MYO1E: variants seen among roughly 807,000 people sequenced by gnomAD.
MYO1E encodes the protein unconventional myosin-Ie.
In MYO1E, 68 loss-of-function variants were observed where a neutral mutation model predicts 151.1. That is an observed-to-expected ratio of 0.45 (90% CI 0.37 to 0.55). MYO1E has a LOEUF of 0.55. MYO1E is among the 20% of genes least tolerant of loss of function. The pLI is 0.00. For synonymous variants in MYO1E, 601 were observed against 501.7 expected (o/e 1.20, Z -2.64); for missense variants, 1,363 against 1,389.3 (o/e 0.98, Z 0.30).
chr15:59,342,801 T>C (rs1236440622), intron 1 of MYO1E, among the ~76,000 whole-genome samples: 1 of 152,140 alleles, frequency 6.6e-6, no homozygotes, highest in Admixed American at 6.5e-5. Flanking sequence ...AGATTTGAGG[T>C]TACCATGAGG....
chr15:59,214,618 T>TA, intron 11 of MYO1E, 22 bp downstream of exon 11: 1 of 1,567,920 alleles, frequency 6.4e-7, no homozygotes, highest in Non-Finnish European at 8.8e-7. Context: ...CCTCAACCCC[T>TA]AGTTATTAAA....
At chr15:59,150,849 C>A (rs1424179462) in intron 26 of MYO1E, among the ~76,000 whole-genome samples, 5 of 152,036 alleles carry the variant, frequency 3.3e-5, no homozygotes, top group Admixed American at 6.5e-5. Flanking sequence ...ATCAGAAACG[C>A]GGAAAGTGGG....
Position 59,173,736 on chromosome 15 carries a change from T to C in MYO1E, c.2334+10A>G, listed in dbSNP as rs376553884. 5.2e-4 allele frequency: 834 copies of C among 1,614,058 alleles called. 9 individuals carry two copies. In the South Asian group the frequency reaches 8.7e-3, roughly 17 times the overall value. ...TTTGGTGATCTCAGAGGCAGGCAGTTAGCACGTACCTTGAACCTCCTGTCA... is the reference window on the plus strand; with the variant it reads ...TTTGGTGATCTCAGAGGCAGGCAGTCAGCACGTACCTTGAACCTCCTGTCA... On this transcript the variant is annotated intron_variant, in intron 21 of 27. Transcript: ENST00000288235.
At chr15:59,217,519 C>CTTTTTTTT (rs1164320277) in intron 10 of MYO1E, among the ~76,000 whole-genome samples, 2,124 of 53,098 alleles carry the variant, frequency 0.04, 212 homozygotes, top group East Asian at 0.15. Context: ...GTCGTTTTAC[C>CTTTTTTTT]TTTTTTTTTT....
chr15:59,153,751 T>A lies in MYO1E; in HGVS notation c.2919A>T (p.Pro973=). 1.2e-6 allele frequency: 2 copies of A among 1,614,114 alleles called. No individual in the cohort carries two copies. The highest frequency in any genetic ancestry group is 1.7e-6 in the Non-Finnish European group (2 of 1,179,968). Residue 973 remains proline (P), a synonymous_variant, in exon 26 of 28, where the codon CCA becomes CCT. Coordinates refer to ENST00000288235, the MANE Select transcript of MYO1E (RefSeq NM_004998.4). ...QNGVIRNQYV[P]YPHAPGSQRS... is the part of the protein sequence containing the mutation. ...TCTGGCTTCCAGGAGCATGGGGATA[T>A]GGCACATACTGGTTTCTGATGACTC...
At chr15:59,251,291 A>G (rs981375161) in intron 4 of MYO1E, among the ~76,000 whole-genome samples, 1 of 152,224 alleles carries the variant, frequency 6.6e-6, no homozygotes, top group Non-Finnish European at 1.5e-5. Context: ...AACTGAAGGA[A>G]TAAGTATAGT....
chr15:59,248,486 C>CA (rs71119447), intron 4 of MYO1E, among the ~76,000 whole-genome samples: 29,260 of 56,992 alleles, frequency 0.51, 9,657 homozygotes, highest in Non-Finnish European at 0.65. Context: ...GACTCCATCT[C>CA]AAAAAAAAAA....
chr15:59,209,632 C>G (rs936073795), intron 13 of MYO1E, among the ~76,000 whole-genome samples: 1 of 151,688 alleles, frequency 6.6e-6, no homozygotes, highest in African/African-American at 2.4e-5. Context: ...GCCAAGATGG[C>G]GCCACTGCAC....
intron 19 of MYO1E, among the ~76,000 whole-genome samples, chr15:59,177,091 C>T (rs546261648): frequency 6.6e-6 from 1 of 152,296 alleles, no homozygotes; most frequent in South Asian, 2.1e-4. Flanking sequence ...AGGAGTTCTG[C>T]ATTGTACCGA....
chr15:59,152,670 G>A (rs1262084036), intron 26 of MYO1E, among the ~76,000 whole-genome samples: 1 of 152,178 alleles, frequency 6.6e-6, no homozygotes, highest in Non-Finnish European at 1.5e-5. Flanking sequence ...CTCCCAACAA[G>A]TTTGCTGCAA....
At chr15:59,178,872 G>A (rs1182246718) in intron 18 of MYO1E, among the ~76,000 whole-genome samples, 1 of 152,134 alleles carries the variant, frequency 6.6e-6, no homozygotes, top group Non-Finnish European at 1.5e-5. Context: ...AAAATCAAAC[G>A]GTCTTGTCTC....
chr15:59,279,565 G>A (rs2140387958), intron 1 of MYO1E, among the ~76,000 whole-genome samples: 1 of 152,226 alleles, frequency 6.6e-6, no homozygotes, highest in Non-Finnish European at 1.5e-5. Context: ...ACCTCTTGGA[G>A]CCTGTCCCCT....
chr15:59,341,143 C>G (rs1396381141), intron 1 of MYO1E, among the ~76,000 whole-genome samples: 1 of 151,862 alleles, frequency 6.6e-6, no homozygotes, highest in Non-Finnish European at 1.5e-5. Context: ...TACAGGCATG[C>G]AATGTGTAAT....
intron 2 of MYO1E, among the ~76,000 whole-genome samples, chr15:59,268,720 A>ATTTTTTTTTTGTTTT (rs2080271645): frequency 2.2e-5 from 1 of 44,906 alleles, no homozygotes; most frequent in Non-Finnish European, 4.9e-5. Context: ...TGACTTTGGT[A>ATTTTTTTTTTGTTTT]TTTTTTTTTT....
At chr15:59,274,109 A>C (rs12900500) in intron 1 of MYO1E, among the ~76,000 whole-genome samples, 4 of 152,012 alleles carry the variant, frequency 2.6e-5, no homozygotes, top group African/African-American at 4.8e-5. Flanking sequence ...AAGTTCTAAG[A>C]AGCTCTGGGA....
intron 18 of MYO1E, among the ~76,000 whole-genome samples, chr15:59,184,768 T>TA (rs2079685839): frequency 6.6e-6 from 1 of 152,240 alleles, no homozygotes; most frequent in East Asian, 1.9e-4. Flanking sequence ...ACATATCTCT[T>TA]TGATATCCTG....
intron 1 of MYO1E, among the ~76,000 whole-genome samples, chr15:59,291,701 AAAAAAAAAAAAGAG>A (rs2080420026): frequency 6.9e-6 from 1 of 145,164 alleles, no homozygotes; most frequent in Admixed American, 7.0e-5. Flanking sequence ...AAAAAAAAAA[AAAAAAAAAAAAGAG>A]AGAGAGAGAG....
At chr15:59,216,643 A>C (rs1252522002) in intron 10 of MYO1E, among the ~76,000 whole-genome samples, 2 of 43,452 alleles carry the variant, frequency 4.6e-5, no homozygotes, top group African/African-American at 1.8e-4. Context: ...AAGGGCCCCC[A>C]GTGTGTGTGT....
chr15:59,356,948 T>C (rs1327312115), intron 1 of MYO1E, among the ~76,000 whole-genome samples: 1 of 144,624 alleles, frequency 6.9e-6, no homozygotes, highest in Non-Finnish European at 1.5e-5. Flanking sequence ...TCTTGCTGCC[T>C]AGGCTGGAGT....
Sources: allele counts gnomAD v4.1 joint callset (sites outside exome capture counted in the v4.1 genomes callset), GRCh38; gene constraint gnomAD v4.1.1; transcripts MANE v1.5; gene names NCBI Gene and HGNC (gene_info 2026-07-23, HGNC 2026-07-21).